The following SLC1A7 variants were observed in gnomAD, a reference collection of about 807,000 sequenced individuals.
SLC1A7 encodes the protein excitatory amino acid transporter 5.
Under a neutral mutation model 47.7 loss-of-function variants are expected in SLC1A7, and 40 were observed. The observed-to-expected ratio is 0.84, with a 90% CI of 0.65 to 1.09. The LOEUF is 1.09. SLC1A7 is among the 50% of genes least tolerant of loss of function. The pLI, the probability that SLC1A7 is intolerant of heterozygous loss-of-function variation, is 0.00. For missense variants in SLC1A7, 746 were observed against 769.5 expected (o/e 0.97, Z 0.36); for synonymous variants, 323 against 325.6 (o/e 0.99, Z 0.09).
chr1:53,100,022 G>GT (rs1163228479), intron 5 of SLC1A7, among the ~76,000 whole-genome samples: 1 of 148,630 alleles, frequency 6.7e-6, no homozygotes, highest in Non-Finnish European at 1.5e-5. Context: ...CCTTGTCTTG[G>GT]TACACTCACA....
In SLC1A7 at chr1:53,090,752, G is replaced by A. The variant is rs1644412033; in HGVS notation, c.1086C>T (p.Asp362=). 1 of 1,613,716 alleles carries A rather than the reference G, an allele frequency of 6.2e-7. No individual in the cohort carries two copies. Among genetic ancestry groups the A allele is most frequent in the Non-Finnish European group, 8.5e-7 (1 of 1,179,892 alleles). The change falls in exon 8 of 11, where the codon GAC becomes GAT. Residue 362 remains aspartate (D), a synonymous_variant. Transcript: ENST00000371494. ...FKCLLENNHI[D]RRIARFVLPV... ...GCAGCACGAAGCGAGCGATGCGCCG[G>A]TCGATGTGGTTGTTCTCCAGCAGGC...
intron 10 of SLC1A7, 41 bp downstream of exon 10, chr1:53,088,836 G>T (rs376109282): frequency 1.3e-4 from 199 of 1,537,832 alleles, no homozygotes; most frequent in Middle Eastern, 1.7e-4. Context: ...ACCCTGCGTG[G>T]CTCCACCCTC....
intron 1 of SLC1A7, among the ~76,000 whole-genome samples, chr1:53,141,168 C>T: frequency 6.6e-6 from 1 of 152,118 alleles, no homozygotes; most frequent in Non-Finnish European, 1.5e-5. Flanking sequence ...AAAAGTCCTG[C>T]CAAGTCAGTT....
At position 53,092,540 on chromosome 1, in the gene SLC1A7, G is replaced by A. The variant is rs374203405; in HGVS notation, c.1031+14C>T. The stretch of plus-strand genomic sequence containing the variant: ...CTCCCAGCTCCCCACCGTCCTGCCC[G>A]TCCCCGGGGCTACCTGGAGGAGGTG... On this transcript the variant is annotated intron_variant, in intron 7 of 10. Transcript: ENST00000371494. 1.0e-4 allele frequency: 160 copies of A among 1,593,182 alleles called. 1 individual carries two copies. In the African/African-American group the frequency reaches 1.6e-3, roughly 16 times the overall value.
chr1:53,105,667 C>T, intron 4 of SLC1A7, 65 bp downstream of exon 4: 1 of 1,242,112 alleles, frequency 8.1e-7, no homozygotes, highest in African/African-American at 1.5e-5. Context: ...ATGCCACTAG[C>T]CCTGCTGCCT....
intron 3 of SLC1A7, among the ~76,000 whole-genome samples, chr1:53,106,229 A>T (rs1475948939): frequency 6.6e-6 from 1 of 151,926 alleles, no homozygotes; most frequent in Non-Finnish European, 1.5e-5. Context: ...TTGGTTGTTC[A>T]TGTCCTATCT....
intron 2 of SLC1A7, among the ~76,000 whole-genome samples, chr1:53,124,209 A>G (rs1644855135): frequency 6.7e-6 from 1 of 148,662 alleles, no homozygotes; most frequent in African/African-American, 2.5e-5. Context: ...AATCAGTTTA[A>G]AGTCCTTACA....
chr1:53,127,295 G>A (rs1557687601), intron 2 of SLC1A7, among the ~76,000 whole-genome samples: 1 of 152,138 alleles, frequency 6.6e-6, no homozygotes, highest in African/African-American at 2.4e-5. Flanking sequence ...ATGAAAGGGG[G>A]AGAGTTATAT....
Position 53,114,950 on chromosome 1 carries a change from A to G in SLC1A7, c.239T>C (p.Leu80Pro). 6.2e-7 allele frequency: 1 copy of G among 1,613,818 alleles called. No homozygotes were observed. The highest frequency in any genetic ancestry group is 8.5e-7 in the Non-Finnish European group (1 of 1,179,912). The part of the protein sequence containing the change: ...VSSLMSGLAS[L>P]DAKTSSRLGV... ...CAGGCGGCTAGAGGTCTTGGCATCCAGGGAGGCAAGTCCGGACATCAAGCT... is the reference window on the plus strand; with the variant it reads ...CAGGCGGCTAGAGGTCTTGGCATCCGGGGAGGCAAGTCCGGACATCAAGCT... The change falls in exon 3 of 11, where the codon CTG becomes CCG. Residue 80 changes from leucine (L) to proline (P), a missense_variant. Transcript: ENST00000371494.
rs763684677 is a variant in SLC1A7, at chr1:53,090,649, T to A, written c.1189A>T (p.Asn397Tyr). The change falls in exon 8 of 11, where the codon AAC becomes TAC. Residue 397 changes from asparagine (N) to tyrosine (Y), a missense_variant. By Grantham distance (143) the Asn-to-Tyr change is moderately radical (BLOSUM62 -2). Transcript: ENST00000371494. ...VAAIFIAQVNNYELDFGQIIT... is the reference protein window; with the variant it reads ...VAAIFIAQVNYYELDFGQIIT... ...ATCTGGCCAAAGTCCAGCTCGTAGT[T>A]GTTGACCTGGGCGATGAAGATGGCG... 6.2e-7 allele frequency: 1 copy of A among 1,608,812 alleles called. No individual in the cohort carries two copies. The highest frequency in any genetic ancestry group is 8.5e-7 in the Non-Finnish European group (1 of 1,176,294).
intron 3 of SLC1A7, chr1:53,114,451 G>C (rs1017334582): frequency 1.5e-5 from 6 of 410,906 alleles, no homozygotes; most frequent in African/African-American, 7.9e-5. Flanking sequence ...ATAAACAAAG[G>C]GAGGGGCCAA....
chr1:53,096,942 G>C (rs548473696), intron 5 of SLC1A7, among the ~76,000 whole-genome samples: 2 of 136,208 alleles, frequency 1.5e-5, no homozygotes, highest in African/African-American at 5.7e-5. Context: ...ACACCACCTC[G>C]GTACACTCAC....
intron 2 of SLC1A7, among the ~76,000 whole-genome samples, chr1:53,127,037 A>AATTTT (rs1644889931): frequency 4.4e-5 from 1 of 22,724 alleles, no homozygotes; most frequent in Non-Finnish European, 8.2e-5. Flanking sequence ...TAATTTTAAA[A>AATTTT]GTTTTTTTTT....
chr1:53,092,081 C>G (rs1310316512), intron 7 of SLC1A7, among the ~76,000 whole-genome samples: 3 of 152,212 alleles, frequency 2.0e-5, no homozygotes, highest in Non-Finnish European at 4.4e-5. Flanking sequence ...CCAGGCACAG[C>G]GAGTGAGTGA....
chr1:53,092,688 G>A lies in SLC1A7; in HGVS notation c.897C>T (p.Thr299=), dbSNP rs749171726. 1.4e-5 allele frequency: 23 copies of A among 1,614,062 alleles called. No homozygotes were observed. The South Asian group carries it at 1.8e-4, about 12-fold the overall frequency. The change falls in exon 7 of 11, where the codon ACC becomes ACT. Residue 299 remains threonine, a synonymous_variant. Coordinates refer to ENST00000371494, the MANE Select transcript of SLC1A7 (RefSeq NM_006671.6). ...VGKKLGFYSV[T]VVCGLVLHGL... is the part of the protein sequence containing the mutation. ...CGTGGAGCACCAGCCCGCACACCAC[G>A]GTGACTGAGTAGAAGCCCAGCTTCT...
At chr1:53,096,585 ACT>A (rs1278658708) in intron 5 of SLC1A7, among the ~76,000 whole-genome samples, 3 of 150,922 alleles carry the variant, frequency 2.0e-5, no homozygotes, top group Non-Finnish European at 4.4e-5. Flanking sequence ...ACTTCGATAC[ACT>A]CACACACCCT....
intron 5 of SLC1A7, among the ~76,000 whole-genome samples, chr1:53,096,410 C>T (rs1333279700): frequency 2.0e-5 from 3 of 149,890 alleles, no homozygotes; most frequent in Non-Finnish European, 4.5e-5. Flanking sequence ...CGCCTCGCCT[C>T]GGTACACTCA....
rs768073621 is a variant in SLC1A7, at chr1:53,142,445, A to G, written c.5T>C (p.Val2Ala). Residue 2 changes from valine (V) to alanine (A), a missense_variant, in exon 1 of 11, where the codon GTG becomes GCG. Val to Ala is a moderately conservative substitution (Grantham distance 64). Coordinates refer to ENST00000371494, the MANE Select transcript of SLC1A7 (RefSeq NM_006671.6). ...CCCCCGTGCCAAGATGGCATGCGGC[A>G]CCATGGTGAGCCTGGCCTGCTGGCA... M[V>A]PHAILARGRD... is the part of the protein sequence containing the mutation. 6.2e-7 allele frequency: 1 copy of G among 1,613,286 alleles called. No homozygotes were observed.
At chr1:53,105,966 C>T (rs867944857) in intron 3 of SLC1A7, among the ~76,000 whole-genome samples, 192 bp from the exon 4 acceptor site, 3 of 152,118 alleles carry the variant, frequency 2.0e-5, no homozygotes, top group Non-Finnish European at 4.4e-5. Context: ...GACTGTGCCA[C>T]ATACTTTCCA....
Sources: allele counts gnomAD v4.1 joint callset (sites outside exome capture counted in the v4.1 genomes callset), GRCh38; gene constraint gnomAD v4.1.1; transcripts MANE v1.5; gene names NCBI Gene and HGNC (gene_info 2026-07-23, HGNC 2026-07-21).